The following LRRC4B variants were observed in gnomAD, a reference collection of about 807,000 sequenced individuals.
LRRC4B encodes leucine rich repeat containing 4B, also known as leucine-rich repeat-containing protein 4B.
A neutral mutation model predicts 7.3 loss-of-function variants in LRRC4B; 1 was observed. That is an observed-to-expected ratio of 0.14 (90% CI 0.05 to 0.65). LRRC4B has a LOEUF of 0.65. Ranked by LOEUF, LRRC4B falls within the 30% of genes least tolerant of loss-of-function variation. The probability of loss-of-function intolerance (pLI) is 0.84; values close to 1 mark genes in which losing one functional copy is unlikely to be tolerated. For synonymous variants in LRRC4B, 500 were observed against 499.2 expected, an observed-to-expected ratio of 1.00 and a Z score of -0.02; for missense variants, 730 against 1,041.6, an observed-to-expected ratio of 0.70 and a Z score of 4.12.
intron 2 of LRRC4B, among the ~76,000 whole-genome samples, chr19:50,533,463 A>G (rs988851433): frequency 4.1e-5 from 6 of 145,274 alleles, no homozygotes; most frequent in African/African-American, 8.6e-5. Context: ...CCTCCCAAAT[A>G]ATACAAATAC....
At chr19:50,542,233 C>T (rs925162159) in intron 2 of LRRC4B, among the ~76,000 whole-genome samples, 4 of 152,078 alleles carry the variant, frequency 2.6e-5, no homozygotes, top group African/African-American at 4.8e-5. Context: ...GACTGAGGAG[C>T]GAGGAGTGGA....
Position 50,555,262 on chromosome 19 carries a change from A to T in LRRC4B, c.-35-6389T>A. On this transcript the variant is annotated intron_variant, in intron 1 of 2. Transcript: ENST00000652263. The surrounding 1 kb of genome is among the most constrained non-coding windows in gnomAD (Gnocchi z 5.2). The stretch of plus-strand genomic sequence containing the variant: ...GAGCGGCACTTGCCAAAGGTTACAC[A>T]GCCCTCCAGCAGCACAGCCGGCATT... The T allele has an allele frequency of 6.6e-6, 1 of 152,606 alleles. No homozygotes were observed. Among genetic ancestry groups the T allele is most frequent in the Non-Finnish European group, 1.5e-5 (1 of 68,250 alleles). 9.5% of individuals were successfully genotyped at this position (152,606 alleles called of 1,614,324 possible). A position where few individuals can be genotyped will look rare whatever the true frequency, so the allele number is the denominator to read the frequency against.
intron 2 of LRRC4B, among the ~76,000 whole-genome samples, chr19:50,530,406 G>A (rs1053682164): frequency 6.6e-6 from 1 of 152,106 alleles, no homozygotes; most frequent in Non-Finnish European, 1.5e-5. Flanking sequence ...GGACCCTCTC[G>A]CCGGGCACTC....
Position 50,561,650 on chromosome 19 carries a change from G to A in LRRC4B, c.-36+6294C>T, listed in dbSNP as rs527932567. ...CTTGGGAGGCTGAGGCGGGAGGATC[G>A]CTTGAGCCCAGGAGGTCAAGGCTGC... On this transcript the variant is annotated intron_variant, in intron 1 of 2. Transcript: ENST00000652263. Among the ~76,000 whole-genome samples the A allele has an allele frequency of 6.6e-5, 10 of 152,038 alleles. No homozygotes were observed. In the East Asian group the frequency reaches 9.7e-4, roughly 15 times the overall value.
chr19:50,547,991 A>T (rs1430943260), intron 2 of LRRC4B, among the ~76,000 whole-genome samples: 2 of 152,082 alleles, frequency 1.3e-5, no homozygotes, highest in Admixed American at 1.3e-4. Context: ...GCAAATGACC[A>T]TGGAAACGCC....
chr19:50,523,690 G>A (rs529857595), intron 2 of LRRC4B, among the ~76,000 whole-genome samples: 1 of 151,964 alleles, frequency 6.6e-6, no homozygotes, highest in South Asian at 2.1e-4. Context: ...CGGGCATGGT[G>A]GCTCATGCCT....
chr19:50,544,412 C>G (rs1981706334), intron 2 of LRRC4B, among the ~76,000 whole-genome samples: 1 of 151,498 alleles, frequency 6.6e-6, no homozygotes, highest in Admixed American at 6.6e-5. Context: ...GAGGCTGAGG[C>G]AGGAGAATGG....
chr19:50,550,613 G>A (rs994325347), intron 1 of LRRC4B, among the ~76,000 whole-genome samples: 1 of 152,192 alleles, frequency 6.6e-6, no homozygotes, highest in African/African-American at 2.4e-5. Context: ...GTGTATCTGA[G>A]TGCATGTGTG....
rs1982224206 is a variant in LRRC4B, at chr19:50,555,053, A to C, written c.-35-6180T>G. Among the ~76,000 whole-genome samples, 1 of 152,042 alleles carries C rather than the reference A, an allele frequency of 6.6e-6. No homozygotes were observed. The highest frequency in any genetic ancestry group is 6.6e-5 in the Admixed American group (1 of 15,256). On this transcript the variant is annotated intron_variant, in intron 1 of 2. Coordinates refer to ENST00000652263, the MANE Select transcript of LRRC4B (RefSeq NM_001080457.2). This position sits in a 1 kb window ranked among gnomAD's most constrained non-coding sequence, Gnocchi z 5.2. Reference sequence around the variant, plus strand: ...GATATCACACGCCCGACACCCCACCACGGCTTCACGCCCGGCTGGCAGAGG... The same window carrying C: ...GATATCACACGCCCGACACCCCACCCCGGCTTCACGCCCGGCTGGCAGAGG...
chr19:50,552,246 G>A (rs1982099086), intron 1 of LRRC4B, among the ~76,000 whole-genome samples: 1 of 135,972 alleles, frequency 7.4e-6, no homozygotes, highest in Admixed American at 8.9e-5. Flanking sequence ...ACACAATCTT[G>A]CCCAGCGTTT....
intron 2 of LRRC4B, among the ~76,000 whole-genome samples, chr19:50,522,516 G>A (rs1274621): frequency 0.14 from 20,479 of 151,182 alleles, 1,902 homozygotes; most frequent in East Asian, 0.42. Flanking sequence ...TCGCTCTGTC[G>A]CCCAGCCTGG....
intron 2 of LRRC4B, among the ~76,000 whole-genome samples, chr19:50,538,895 C>CT (rs1012659232): frequency 3.2e-4 from 46 of 143,532 alleles, no homozygotes; most frequent in African/African-American, 9.2e-4. Flanking sequence ...CGCACGCCGC[C>CT]TTTTTTTTTT....
intron 2 of LRRC4B, among the ~76,000 whole-genome samples, chr19:50,533,688 A>C (rs1981150569): frequency 6.6e-6 from 1 of 152,200 alleles, no homozygotes; most frequent in African/African-American, 2.4e-5. Flanking sequence ...GGGGAATCAT[A>C]ATTTGTTAAC....
At position 50,517,737 on chromosome 19, in the gene LRRC4B, T is replaced by C. The variant is rs755023035; in HGVS notation, c.1976A>G (p.His659Arg). ...HLALPALERD[H>R]LNHHHYVAAA... ...AGCCACGTAGTGGTGGTGGTTGAGG[T>C]GGTCTCGCTCCAGGGCGGGCAGGGC... Residue 659 changes from histidine (H) to arginine (R), a missense_variant, in exon 3 of 3, where the codon CAC (histidine) becomes CGC (arginine). By Grantham distance (29) the His-to-Arg change is conservative. Coordinates refer to ENST00000652263, the MANE Select transcript of LRRC4B (RefSeq NM_001080457.2). The surrounding 1 kb of genome is among the most constrained non-coding windows in gnomAD (Gnocchi z 6.6). The C allele has an allele frequency of 3.2e-5, 49 of 1,544,188 alleles. No homozygotes were observed. The South Asian group carries it at 5.7e-4, about 18-fold the overall frequency.
chr19:50,546,067 G>A lies in LRRC4B; in HGVS notation c.297+2475C>T, dbSNP rs574645815. ...AAGAGCCTCTGGGCCAGGCGTGGTG[G>A]CTCACGCCTGTAATCCCAGCACTTT... is the stretch of plus-strand genomic sequence containing the variant. On this transcript the variant is annotated intron_variant, in intron 2 of 2. Transcript: ENST00000652263. Among the ~76,000 whole-genome samples, 8 of 151,244 alleles carry A rather than the reference G, an allele frequency of 5.3e-5. No individual in the cohort carries two copies. The East Asian group carries it at 1.6e-3, about 31-fold the overall frequency.
At position 50,541,837 on chromosome 19, in the gene LRRC4B, C is replaced by T. The variant is rs140527992; in HGVS notation, c.297+6705G>A. On this transcript the variant is annotated intron_variant, in intron 2 of 2. Transcript: ENST00000652263. ...CAGAGGGGTCCTGAGGGAGGATTTG[C>T]GGTGGGGCAGCTAGAAGCCTCCGGG... 5.5e-3 allele frequency among the ~76,000 whole-genome samples: 840 copies of T among 152,136 alleles called. 10 individuals are homozygous for T. The highest frequency in any genetic ancestry group is 0.018 in the African/African-American group (765 of 41,500).
rs1360097786 is a variant in LRRC4B at position 50,568,095 on chromosome 19, C to A, written c.-187G>T. The A allele has an allele frequency of 2.0e-5, 3 of 151,334 alleles. No individual in the cohort carries two copies. The highest frequency in any genetic ancestry group is 1.5e-5 in the Non-Finnish European group (1 of 67,796). 9.4% of individuals were successfully genotyped at this position (151,334 alleles called of 1,614,324 possible). A position where few individuals can be genotyped will look rare whatever the true frequency, so the allele number is the denominator to read the frequency against. On this transcript the variant is annotated 5_prime_UTR_variant, in exon 1 of 3. Transcript: ENST00000652263. ...CCGGGCCTGGAGCCTCTCGCGCTCT[C>A]CCCCCTCCCCGGCTCCTGGGTGGGG...
At chr19:50,536,960 C>T (rs185498412) in intron 2 of LRRC4B, among the ~76,000 whole-genome samples, 6 of 152,078 alleles carry the variant, frequency 3.9e-5, no homozygotes, top group East Asian at 1.9e-4. Flanking sequence ...GTTGGTGTGG[C>T]GACTCCAGCT....
At chr19:50,524,393 G>T (rs139708493) in intron 2 of LRRC4B, among the ~76,000 whole-genome samples, 1 of 152,098 alleles carries the variant, frequency 6.6e-6, no homozygotes, top group Non-Finnish European at 1.5e-5. Flanking sequence ...CTACAGGCAC[G>T]TGCCAGCACA....
Sources: gnomAD v4.1 joint callset for allele counts (sites outside exome capture counted in the v4.1 genomes callset) on GRCh38, gnomAD v4.1.1 for gene constraint, Gnocchi (gnomAD v3.1) non-coding constraint, MANE v1.5 for transcripts, NCBI Gene and HGNC (gene_info 2026-07-23, HGNC 2026-07-21) for gene names.